The following CFH variants were observed in gnomAD, a reference collection of about 807,000 sequenced individuals.
CFH encodes the protein H factor 1 (complement).
In CFH, 53 loss-of-function variants were observed where a neutral mutation model predicts 147.3. That is an observed-to-expected ratio of 0.36 (90% CI 0.29 to 0.45). The LOEUF (loss-of-function observed/expected upper bound fraction) is 0.45. Among genes scored for constraint, CFH ranks in the 20% least tolerant of loss-of-function variants. The pLI, the probability that CFH is intolerant of heterozygous loss-of-function variation, is 1.00. For missense variants in CFH, 1,380 were observed against 1,498.0 expected (o/e 0.92, Z 1.30); for synonymous variants, 536 against 489.4 (o/e 1.10, Z -1.26).
rs78585796 is a variant in CFH, at chr1:196,683,284, C to T, written c.791-1780C>T. On this transcript the variant is annotated intron_variant, in intron 6 of 21. Transcript: ENST00000367429. ...ATTACAGAGTTTTATCTGTTCAGTT[C>T]AATAAATAATTAAGAAGTCCATAAT... is the stretch of plus-strand genomic sequence containing the variant. Among the ~76,000 whole-genome samples the T allele has an allele frequency of 1.2e-3, 184 of 151,548 alleles. 2 individuals carry two copies. In the East Asian group the frequency reaches 0.033, roughly 27 times the overall value.
chr1:196,669,588 G>A (rs899001182), intron 1 of CFH, among the ~76,000 whole-genome samples: 2 of 152,186 alleles, frequency 1.3e-5, no homozygotes, highest in South Asian at 4.1e-4. Flanking sequence ...CTAAGCCTTG[G>A]CAGCTTCCAC....
At chr1:196,739,366 A>G (rs1558184045) in intron 17 of CFH, among the ~76,000 whole-genome samples, 1 of 152,252 alleles carries the variant, frequency 6.6e-6, no homozygotes, top group East Asian at 1.9e-4. Context: ...ACATTTTCCA[A>G]ACTTTTATGC....
chr1:196,725,414 T>C (rs1669112828), intron 12 of CFH, 117 bp downstream of exon 12: 1 of 985,916 alleles, frequency 1.0e-6, no homozygotes, highest in African/African-American at 1.6e-5. Flanking sequence ...AAGTCAAATA[T>C]TTGCCTGTGA....
At chr1:196,717,520 G>A (rs1668898904) in intron 11 of CFH, among the ~76,000 whole-genome samples, 1 of 151,984 alleles carries the variant, frequency 6.6e-6, no homozygotes, top group African/African-American at 2.4e-5. Context: ...TAACAAAAAT[G>A]GATTTTAATA....
chr1:196,671,488 T>C (rs1367973346), intron 1 of CFH, among the ~76,000 whole-genome samples: 1 of 151,826 alleles, frequency 6.6e-6, no homozygotes, highest in Non-Finnish European at 1.5e-5. Context: ...ACTTTTAGTT[T>C]GAGTCAGTCC....
At chr1:196,697,222 T>C (rs1254049878) in intron 9 of CFH, among the ~76,000 whole-genome samples, 1 of 152,042 alleles carries the variant, frequency 6.6e-6, no homozygotes, top group African/African-American at 2.4e-5. Flanking sequence ...ACAGGCAACC[T>C]ACAGAATGGG....
chr1:196,730,213 G>A (rs1282264690), intron 15 of CFH, among the ~76,000 whole-genome samples: 1 of 151,580 alleles, frequency 6.6e-6, no homozygotes, highest in Non-Finnish European at 1.5e-5. Context: ...CTTGATATAG[G>A]CAATTATTCC....
At chr1:196,741,819 G>GT in intron 18 of CFH, 56 bp from the exon 19 acceptor site, 1 of 1,480,296 alleles carries the variant, frequency 6.8e-7, no homozygotes, top group Non-Finnish European at 9.4e-7. Context: ...TACATGTATT[G>GT]TATGTAACCT....
At chr1:196,710,405 A>G (rs1668699115) in intron 9 of CFH, among the ~76,000 whole-genome samples, 3 of 152,148 alleles carry the variant, frequency 2.0e-5, no homozygotes, top group African/African-American at 7.2e-5. Flanking sequence ...TATTTATAGG[A>G]TCGATCCATG....
At chr1:196,734,772 C>G (rs756292661) in intron 15 of CFH, among the ~76,000 whole-genome samples, 1 of 151,610 alleles carries the variant, frequency 6.6e-6, no homozygotes, top group Non-Finnish European at 1.5e-5. Context: ...TTACTTTGTC[C>G]TCAATTTTAT....
At chr1:196,735,575 T>C (rs2149112465) in intron 15 of CFH, among the ~76,000 whole-genome samples, 1 of 152,174 alleles carries the variant, frequency 6.6e-6, no homozygotes, top group East Asian at 1.9e-4. Flanking sequence ...AACAGAGATG[T>C]ATTTAGCATT....
chr1:196,715,706 G>A lies in CFH; in HGVS notation c.1633G>A (p.Gly545Arg). 1 of 1,612,838 alleles carries A rather than the reference G, an allele frequency of 6.2e-7. No homozygotes were observed. The highest frequency in any genetic ancestry group is 2.2e-5 in the East Asian group (1 of 44,746). ...CCATGATGGTTATGAAAGCAATACT[G>A]GAAGCACCACTGGTTCCATAGTGTG... ...ECHDGYESNT[G>R]STTGSIVCGY... The change falls in exon 11 of 22, where the codon GGA becomes AGA. Residue 545 changes from glycine to arginine, a missense_variant. Physicochemically the swap from Gly to Arg is moderately radical, Grantham distance 125 (BLOSUM62 -2). Transcript: ENST00000367429.
intron 10 of CFH, among the ~76,000 whole-genome samples, chr1:196,714,676 G>T (rs866055848): frequency 0.022 from 699 of 32,026 alleles, 1 homozygote; most frequent in Non-Finnish European, 0.031. Context: ...TATAGAGAGA[G>T]AGAGAGAGAG....
chr1:196,694,498 A>G (rs1668181478), intron 9 of CFH, among the ~76,000 whole-genome samples: 1 of 152,206 alleles, frequency 6.6e-6, no homozygotes, highest in African/African-American at 2.4e-5. Context: ...AGAATGATTT[A>G]TATTCCTTTG....
chr1:196,709,819 G>A (rs1351258126), intron 9 of CFH, among the ~76,000 whole-genome samples: 1 of 151,938 alleles, frequency 6.6e-6, no homozygotes, highest in Non-Finnish European at 1.5e-5. Flanking sequence ...CAACATACTG[G>A]TCAACAAGGC....
intron 9 of CFH, among the ~76,000 whole-genome samples, chr1:196,693,567 C>T (rs780847145): frequency 1.3e-5 from 2 of 152,036 alleles, no homozygotes; most frequent in Non-Finnish European, 2.9e-5. Flanking sequence ...CAGGCTGGTG[C>T]ATACACTAGA....
intron 1 of CFH, among the ~76,000 whole-genome samples, chr1:196,659,804 C>T (rs1666842519): frequency 6.6e-6 from 1 of 151,980 alleles, no homozygotes; most frequent in Admixed American, 6.6e-5. Flanking sequence ...TGTCCAAGTC[C>T]CATCTCCTAT....
chr1:196,738,288 A>G (rs1461886912), intron 17 of CFH, among the ~76,000 whole-genome samples: 1 of 152,158 alleles, frequency 6.6e-6, no homozygotes, highest in Non-Finnish European at 1.5e-5. Flanking sequence ...TCCCAAGTCT[A>G]TGTCCTCACA....
chr1:196,737,141 C>A, intron 16 of CFH, 135 bp downstream of exon 16: 2 of 773,154 alleles, frequency 2.6e-6, no homozygotes, highest in Non-Finnish European at 4.1e-6. Flanking sequence ...AGGACCTAGG[C>A]ACATTAATCA....
Sources: gnomAD v4.1 joint callset for allele counts (sites outside exome capture counted in the v4.1 genomes callset) on GRCh38, gnomAD v4.1.1 for gene constraint, MANE v1.5 for transcripts, NCBI Gene and HGNC (gene_info 2026-07-23, HGNC 2026-07-21) for gene names.